CDK14: variants seen among roughly 807,000 people sequenced by gnomAD.
CDK14 encodes cyclin dependent kinase 14, also known as cyclin-dependent kinase 14.
Under a neutral mutation model 60.7 loss-of-function variants are expected in CDK14, and 34 were observed. That is an observed-to-expected ratio of 0.56 (90% CI 0.43 to 0.75). The LOEUF is 0.75. Ranked by LOEUF, CDK14 falls within the 30% of genes least tolerant of loss-of-function variation. The probability of loss-of-function intolerance (pLI) is 0.00; values close to 1 mark genes in which losing one functional copy is unlikely to be tolerated. For missense variants in CDK14, 482 were observed against 564.1 expected, an observed-to-expected ratio of 0.85 and a Z score of 1.47; for synonymous variants, 197 against 203.7, an observed-to-expected ratio of 0.97 and a Z score of 0.28.
intron 14 of CDK14, among the ~76,000 whole-genome samples, chr7:91,176,336 A>G (rs982236761): frequency 2.2e-4 from 34 of 152,226 alleles, no homozygotes; most frequent in Non-Finnish European, 4.4e-4. Flanking sequence ...TTATAGCACT[A>G]AATGCCCACA....
At chr7:91,005,342 C>A (rs577206086) in intron 10 of CDK14, among the ~76,000 whole-genome samples, 14 of 152,334 alleles carry the variant, frequency 9.2e-5, no homozygotes, top group African/African-American at 3.4e-4. Flanking sequence ...CGTTCAGGGT[C>A]CCTCCAGCAC....
chr7:90,855,905 A>G (rs1790803443), intron 5 of CDK14, among the ~76,000 whole-genome samples: 3 of 152,184 alleles, frequency 2.0e-5, no homozygotes, highest in African/African-American at 7.2e-5. Flanking sequence ...ATAAATAGGT[A>G]TCGATGCTAA....
At chr7:90,707,485 C>T (rs1317577645) in intron 2 of CDK14, among the ~76,000 whole-genome samples, 1 of 152,134 alleles carries the variant, frequency 6.6e-6, no homozygotes, top group East Asian at 1.9e-4. Context: ...TACACCATTA[C>T]CCTGTCGTAA....
chr7:90,863,872 T>C (rs576178681), intron 6 of CDK14, among the ~76,000 whole-genome samples: 1 of 152,278 alleles, frequency 6.6e-6, no homozygotes, highest in South Asian at 2.1e-4. Flanking sequence ...AATTAATTCT[T>C]CTCCATTTCT....
At chr7:90,971,155 T>G (rs925947374) in intron 9 of CDK14, among the ~76,000 whole-genome samples, 6 of 149,316 alleles carry the variant, frequency 4.0e-5, no homozygotes, top group African/African-American at 9.8e-5. Context: ...AACATGTGGT[T>G]TTTTTTTTTT....
At chr7:91,119,379 G>C (rs1584088500) in intron 14 of CDK14, among the ~76,000 whole-genome samples, 1 of 152,322 alleles carries the variant, frequency 6.6e-6, no homozygotes, top group East Asian at 1.9e-4. Flanking sequence ...AGCTACTTGG[G>C]AGGCTGAGGT....
chr7:90,696,349 T>C, intron 2 of CDK14, among the ~76,000 whole-genome samples: 1 of 148,278 alleles, frequency 6.7e-6, no homozygotes, highest in Non-Finnish European at 1.5e-5. Context: ...TTTTTTTTTT[T>C]TTTTTTTTTG....
At chr7:90,758,429 G>A (rs1804172382) in intron 4 of CDK14, among the ~76,000 whole-genome samples, 2 of 152,110 alleles carry the variant, frequency 1.3e-5, no homozygotes, top group Admixed American at 1.3e-4. Flanking sequence ...AAAAAATTAT[G>A]CATCGTATAA....
intron 3 of CDK14, among the ~76,000 whole-genome samples, chr7:90,735,768 A>AG (rs1803073775): frequency 6.6e-6 from 1 of 152,166 alleles, no homozygotes; most frequent in South Asian, 2.1e-4. Flanking sequence ...GGCACCGTGG[A>AG]GGTGGGACCT....
At chr7:91,199,950 C>T (rs1189443838) in intron 14 of CDK14, among the ~76,000 whole-genome samples, 1 of 152,174 alleles carries the variant, frequency 6.6e-6, no homozygotes, top group Non-Finnish European at 1.5e-5. Context: ...GCATGATTAT[C>T]ATAAATCAGA....
At chr7:90,862,492 T>C (rs959731614) in intron 5 of CDK14, among the ~76,000 whole-genome samples, 4 of 152,116 alleles carry the variant, frequency 2.6e-5, no homozygotes, top group Non-Finnish European at 5.9e-5. Context: ...AGTAAACAAC[T>C]TTTATAATAC....
At chr7:91,045,192 A>G (rs559638507) in intron 10 of CDK14, among the ~76,000 whole-genome samples, 1 of 152,310 alleles carries the variant, frequency 6.6e-6, no homozygotes, top group Non-Finnish European at 1.5e-5. Flanking sequence ...TGTAAGAGCC[A>G]TAGATCATGG....
chr7:91,147,743 C>T (rs1206408402), intron 14 of CDK14, among the ~76,000 whole-genome samples: 4 of 152,224 alleles, frequency 2.6e-5, no homozygotes, highest in African/African-American at 9.6e-5. Context: ...TCCCCCCTCC[C>T]CCCCATTAAA....
At chr7:90,995,721 C>T (rs892732123) in intron 10 of CDK14, among the ~76,000 whole-genome samples, 4 of 152,190 alleles carry the variant, frequency 2.6e-5, no homozygotes, top group Admixed American at 2.6e-4. Context: ...CTTACTCTTT[C>T]ATCAGAATAC....
At chr7:90,981,114 A>G (rs545463541) in intron 9 of CDK14, among the ~76,000 whole-genome samples, 2 of 152,338 alleles carry the variant, frequency 1.3e-5, no homozygotes, top group South Asian at 2.1e-4. Flanking sequence ...GCAGGTAGCT[A>G]TTTAAGATCC....
intron 5 of CDK14, among the ~76,000 whole-genome samples, chr7:90,822,152 G>T (rs1176167398): frequency 1.3e-5 from 2 of 152,124 alleles, no homozygotes; most frequent in Non-Finnish European, 2.9e-5. Context: ...ACTGTTTTTG[G>T]TATTTTTGGC....
intron 10 of CDK14, among the ~76,000 whole-genome samples, chr7:90,985,125 C>G (rs1345391694): frequency 6.6e-6 from 1 of 152,140 alleles, no homozygotes; most frequent in Non-Finnish European, 1.5e-5. Context: ...TACATGAGCT[C>G]TCTGTATTAT....
At chr7:91,174,042 G>A (rs978724332) in intron 14 of CDK14, among the ~76,000 whole-genome samples, 1 of 152,150 alleles carries the variant, frequency 6.6e-6, no homozygotes, top group Admixed American at 6.5e-5. Context: ...AACCTCCGCA[G>A]ACTTAAATGT....
intron 14 of CDK14, among the ~76,000 whole-genome samples, chr7:91,124,641 G>C (rs1028709210): frequency 6.6e-6 from 1 of 151,938 alleles, no homozygotes; most frequent in African/African-American, 2.4e-5. Context: ...AGCATTTCCA[G>C]GTCAAATGAG....
Sources: allele counts gnomAD v4.1 joint callset (sites outside exome capture counted in the v4.1 genomes callset), GRCh38; gene constraint gnomAD v4.1.1; transcripts MANE v1.5; gene names NCBI Gene and HGNC (gene_info 2026-07-23, HGNC 2026-07-21).